Variants in CLASP1 observed in about 807,000 individuals in gnomAD.
The protein encoded by CLASP1 is CLIP-associating protein 1.
A neutral mutation model predicts 192.3 loss-of-function variants in CLASP1; 38 were observed. That is an observed-to-expected ratio of 0.20 (90% CI 0.15 to 0.26). The LOEUF (loss-of-function observed/expected upper bound fraction) is 0.26. Among genes scored for constraint, CLASP1 ranks in the 10% least tolerant of loss-of-function variants. The pLI is 1.00. For missense variants in CLASP1, 1,433 were observed against 1,932.5 expected, an observed-to-expected ratio of 0.74 and a Z score of 4.85; for synonymous variants, 691 against 712.8, an observed-to-expected ratio of 0.97 and a Z score of 0.49.
chr2:121,493,679 T>C (rs898733358), intron 8 of CLASP1, among the ~76,000 whole-genome samples: 1 of 151,996 alleles, frequency 6.6e-6, no homozygotes, highest in African/African-American at 2.4e-5. Context: ...AAGAAAATAT[T>C]TGCAAACTAC....
intron 2 of CLASP1, among the ~76,000 whole-genome samples, chr2:121,552,897 T>C (rs1222626143): frequency 4.6e-5 from 7 of 152,232 alleles, no homozygotes; most frequent in Admixed American, 4.6e-4. Context: ...ATGTGTATGT[T>C]AATTGCAGCA....
chr2:121,531,324 G>A (rs914423085), intron 2 of CLASP1, among the ~76,000 whole-genome samples: 6 of 152,132 alleles, frequency 3.9e-5, no homozygotes, highest in African/African-American at 9.7e-5. Flanking sequence ...GGTCGGGCGC[G>A]GTGGCTCACG....
At chr2:121,351,951 G>A (rs755712244) in intron 37 of CLASP1, among the ~76,000 whole-genome samples, 3 of 152,234 alleles carry the variant, frequency 2.0e-5, no homozygotes, top group Non-Finnish European at 2.9e-5. Context: ...CACTGACCAG[G>A]TGCCTCCTGT....
intron 8 of CLASP1, chr2:121,470,630 T>C: frequency 2.2e-6 from 1 of 450,742 alleles, no homozygotes; most frequent in Non-Finnish European, 4.4e-6. Context: ...AAATGCAATA[T>C]TGCCAATACT....
intron 1 of CLASP1, among the ~76,000 whole-genome samples, chr2:121,617,481 TC>T (rs1328536705): frequency 6.6e-6 from 1 of 152,094 alleles, no homozygotes; most frequent in East Asian, 1.9e-4. Context: ...GATGCACACT[TC>T]CTGTCCCCTC....
At chr2:121,547,469 C>A (rs1037506499) in intron 2 of CLASP1, among the ~76,000 whole-genome samples, 1 of 151,940 alleles carries the variant, frequency 6.6e-6, no homozygotes, top group Non-Finnish European at 1.5e-5. Context: ...GCTGATTGCA[C>A]TGAGTGACTG....
intron 8 of CLASP1, among the ~76,000 whole-genome samples, chr2:121,478,664 CCCACACACA>C (rs1280667876): frequency 4.1e-5 from 4 of 98,556 alleles, no homozygotes; most frequent in East Asian, 6.4e-4. Flanking sequence ...ACACACACCC[CCCACACACA>C]CCACACACAC....
intron 1 of CLASP1, among the ~76,000 whole-genome samples, chr2:121,646,220 C>T (rs1251565888): frequency 6.6e-6 from 1 of 152,142 alleles, no homozygotes; most frequent in Non-Finnish European, 1.5e-5. Context: ...TCAGGAGATC[C>T]TCCCACCTCA....
In CLASP1 at chr2:121,402,221, A is replaced by G. The variant is rs576257208; in HGVS notation, c.2734-351T>C. On this transcript the variant is annotated intron_variant, in intron 26 of 39. Transcript: ENST00000263710. ...GTAGCTATTGCTTTTCACGTCAGACATTTTGATGTATACCAATTTCAGATA... is the reference window on the plus strand; with the variant it reads ...GTAGCTATTGCTTTTCACGTCAGACGTTTTGATGTATACCAATTTCAGATA... Among the ~76,000 whole-genome samples, 3 of 152,344 alleles carry G rather than the reference A, an allele frequency of 2.0e-5. No individual in the cohort carries two copies. The South Asian group carries it at 6.2e-4, about 32-fold the overall frequency.
chr2:121,496,561 TGA>T (rs1239874711), intron 8 of CLASP1, among the ~76,000 whole-genome samples: 1 of 145,558 alleles, frequency 6.9e-6, no homozygotes, highest in Admixed American at 6.8e-5. Flanking sequence ...CAAGATTTAC[TGA>T]GAGACATAGA....
At chr2:121,466,125 T>G (rs2089524621) in intron 9 of CLASP1, among the ~76,000 whole-genome samples, 1 of 152,170 alleles carries the variant, frequency 6.6e-6, no homozygotes, top group Non-Finnish European at 1.5e-5. Flanking sequence ...GAAAAAAGAT[T>G]AGAAAGATTG....
intron 37 of CLASP1, among the ~76,000 whole-genome samples, chr2:121,353,949 T>A (rs1426440274): frequency 6.6e-6 from 1 of 152,150 alleles, no homozygotes; most frequent in East Asian, 1.9e-4. Context: ...CATAATATTT[T>A]AAGTTTTTTG....
intron 30 of CLASP1, among the ~76,000 whole-genome samples, chr2:121,389,905 C>T (rs80216628): frequency 0.037 from 5,627 of 152,204 alleles, 154 homozygotes; most frequent in East Asian, 0.14. Flanking sequence ...TCTCATTGCC[C>T]AGGCTGGAGT....
chr2:121,478,375 C>T (rs922787173), intron 8 of CLASP1, among the ~76,000 whole-genome samples: 7 of 151,978 alleles, frequency 4.6e-5, no homozygotes, highest in Admixed American at 2.6e-4. Flanking sequence ...CCAAGGCGGG[C>T]GGACTGCCTG....
chr2:121,383,939 C>T (rs1444118697), intron 32 of CLASP1, among the ~76,000 whole-genome samples: 1 of 149,934 alleles, frequency 6.7e-6, no homozygotes, highest in Non-Finnish European at 1.5e-5. Context: ...TTATCTACAG[C>T]ATCTCTACTA....
At chr2:121,563,107 A>G (rs2059228610) in intron 2 of CLASP1, among the ~76,000 whole-genome samples, 1 of 152,166 alleles carries the variant, frequency 6.6e-6, no homozygotes. Context: ...CAAATCAAGT[A>G]CAAGGCATCT....
At chr2:121,597,018 C>G (rs543678775) in intron 2 of CLASP1, among the ~76,000 whole-genome samples, 1 of 152,308 alleles carries the variant, frequency 6.6e-6, no homozygotes, top group Admixed American at 6.5e-5. Flanking sequence ...CCCACACAGA[C>G]TGGACAGACC....
At chr2:121,499,450 G>A (rs375241324) in intron 8 of CLASP1, among the ~76,000 whole-genome samples, 2 of 151,756 alleles carry the variant, frequency 1.3e-5, no homozygotes, top group African/African-American at 4.8e-5. Flanking sequence ...GGAATGGGAC[G>A]TGAGGGTGAT....
chr2:121,478,665 C>CACACACACCACA (rs1559365421), intron 8 of CLASP1, among the ~76,000 whole-genome samples: 1 of 95,536 alleles, frequency 1.0e-5, no homozygotes, highest in African/African-American at 3.7e-5. Context: ...CACACACCCC[C>CACACACACCACA]CACACACACC....
Sources: gnomAD v4.1 joint callset for allele counts (sites outside exome capture counted in the v4.1 genomes callset) on GRCh38, gnomAD v4.1.1 for gene constraint, MANE v1.5 for transcripts, NCBI Gene and HGNC (gene_info 2026-07-23, HGNC 2026-07-21) for gene names.